The following MPP7 variants were observed in gnomAD, a reference collection of about 807,000 sequenced individuals.
MPP7 encodes the protein MAGUK p55 scaffold protein 7, also known as MAGUK p55 subfamily member 7.
In MPP7, 60 loss-of-function variants were observed where a neutral mutation model predicts 76.5. That is an observed-to-expected ratio of 0.78 (90% CI 0.64 to 0.97). The LOEUF is 0.97. Among genes scored for constraint, MPP7 ranks in the 50% least tolerant of loss-of-function variants. The probability of loss-of-function intolerance (pLI) is 0.00; values close to 1 mark genes in which losing one functional copy is unlikely to be tolerated. For synonymous variants in MPP7, 237 were observed against 244.5 expected (o/e 0.97, Z 0.29); for missense variants, 641 against 694.0 (o/e 0.92, Z 0.86).
At chr10:28,080,925 C>T (rs1852731040) in intron 12 of MPP7, among the ~76,000 whole-genome samples, 1 of 152,210 alleles carries the variant, frequency 6.6e-6, no homozygotes, top group Admixed American at 6.5e-5. Flanking sequence ...AATAAACACA[C>T]TAACACATTT....
chr10:28,243,461 A>G (rs1236165112), intron 1 of MPP7, among the ~76,000 whole-genome samples: 2 of 152,060 alleles, frequency 1.3e-5, no homozygotes, highest in Admixed American at 1.3e-4. Context: ...CGGTGAACCA[A>G]TATTTTCCCA....
chr10:28,182,798 C>T (rs549544448), intron 3 of MPP7, among the ~76,000 whole-genome samples: 1 of 152,206 alleles, frequency 6.6e-6, no homozygotes, highest in African/African-American at 2.4e-5. Flanking sequence ...GCAAATTGAG[C>T]CGGGTGCAGT....
At chr10:28,332,176 A>G (rs1426878511) in intron 1 of MPP7, among the ~76,000 whole-genome samples, 1 of 151,846 alleles carries the variant, frequency 6.6e-6, no homozygotes, top group Non-Finnish European at 1.5e-5. Flanking sequence ...TCTTCATTTC[A>G]TTAACACCAC....
At chr10:28,122,814 T>C (rs1461867015) in intron 8 of MPP7, among the ~76,000 whole-genome samples, 1 of 152,142 alleles carries the variant, frequency 6.6e-6, no homozygotes, top group Non-Finnish European at 1.5e-5. Flanking sequence ...GTCTTTGATG[T>C]TTCTTTATGG....
chr10:28,146,314 G>A lies in MPP7; in HGVS notation c.315+1169C>T, dbSNP rs1305115885. On this transcript the variant is annotated intron_variant, in intron 5 of 16. Coordinates refer to ENST00000683449, the MANE Select transcript of MPP7 (RefSeq NM_001318170.2). Reference sequence around the variant, plus strand: ...ACCCTCACATCATTAATCATAGCCTGTTTAGCTTTTACAGCAATACATTCA... The same window carrying A: ...ACCCTCACATCATTAATCATAGCCTATTTAGCTTTTACAGCAATACATTCA... Among the ~76,000 whole-genome samples the A allele has an allele frequency of 2.6e-5, 4 of 151,042 alleles. No individual in the cohort carries two copies. The East Asian group carries it at 7.8e-4, about 29-fold the overall frequency.
chr10:28,208,260 A>G (rs1838011740), intron 2 of MPP7, among the ~76,000 whole-genome samples: 1 of 152,154 alleles, frequency 6.6e-6, no homozygotes. Context: ...ATGCAAGTGG[A>G]CAAGAAACTG....
At chr10:28,213,629 A>C (rs1838215004) in intron 2 of MPP7, among the ~76,000 whole-genome samples, 1 of 151,676 alleles carries the variant, frequency 6.6e-6, no homozygotes, top group Non-Finnish European at 1.5e-5. Context: ...CCTGTTGTAA[A>C]AATACAAAAA....
At chr10:28,178,453 G>GA (rs113212229) in intron 3 of MPP7, among the ~76,000 whole-genome samples, 4 of 149,564 alleles carry the variant, frequency 2.7e-5, no homozygotes, top group African/African-American at 7.4e-5. Context: ...GGCAAAACAG[G>GA]AAAAAAAAAG....
intron 1 of MPP7, among the ~76,000 whole-genome samples, chr10:28,257,691 C>A (rs11006960): frequency 0.095 from 14,097 of 147,852 alleles, 1,110 homozygotes; most frequent in East Asian, 0.41. Context: ...CACATGTATA[C>A]ACATGTAACT....
chr10:28,322,965 CAACAT>C (rs1834380289), intron 2 of MPP7, among the ~76,000 whole-genome samples: 2 of 151,898 alleles, frequency 1.3e-5, no homozygotes, highest in African/African-American at 4.8e-5. Context: ...CCAGACTGGA[CAACAT>C]AATAAGACCC....
chr10:28,161,626 T>C (rs376366031), intron 3 of MPP7, among the ~76,000 whole-genome samples: 1 of 152,116 alleles, frequency 6.6e-6, no homozygotes, highest in African/African-American at 2.4e-5. Flanking sequence ...AAACATTTCA[T>C]TCCTATTCCT....
At chr10:28,321,744 C>G (rs1265727286) in intron 2 of MPP7, among the ~76,000 whole-genome samples, 1 of 151,910 alleles carries the variant, frequency 6.6e-6, no homozygotes, top group African/African-American at 2.4e-5. Context: ...GCCACCACAC[C>G]CGGCTAATTT....
At chr10:28,081,812 GCA>G (rs138012288) in intron 12 of MPP7, among the ~76,000 whole-genome samples, 2,656 of 150,968 alleles carry the variant, frequency 0.018, 87 homozygotes, top group African/African-American at 0.061. Context: ...TCACTCAGTG[GCA>G]CAGTCTCGGC....
chr10:28,311,316 T>C (rs998587217), intron 2 of MPP7, among the ~76,000 whole-genome samples: 1 of 151,574 alleles, frequency 6.6e-6, no homozygotes, highest in Non-Finnish European at 1.5e-5. Flanking sequence ...GGCATACGGG[T>C]GTGAATGACA....
intron 12 of MPP7, among the ~76,000 whole-genome samples, chr10:28,083,959 A>G (rs1852885522): frequency 6.6e-6 from 1 of 152,216 alleles, no homozygotes; most frequent in Non-Finnish European, 1.5e-5. Flanking sequence ...TTATAATCCA[A>G]TTGTCACAGA....
chr10:28,076,931 T>C (rs1351172310), intron 12 of MPP7, among the ~76,000 whole-genome samples: 1 of 151,796 alleles, frequency 6.6e-6, no homozygotes, highest in Non-Finnish European at 1.5e-5. Flanking sequence ...GCCTGCCTTG[T>C]CCCTCAAGAC....
At chr10:28,084,980 C>T (rs937104777) in intron 12 of MPP7, among the ~76,000 whole-genome samples, 1 of 152,132 alleles carries the variant, frequency 6.6e-6, no homozygotes, top group Non-Finnish European at 1.5e-5. Flanking sequence ...TAGACGTGGG[C>T]AGGATTCAAG....
chr10:28,105,689 G>A (rs1834300986), intron 11 of MPP7, among the ~76,000 whole-genome samples: 1 of 152,100 alleles, frequency 6.6e-6, no homozygotes, highest in African/African-American at 2.4e-5. Context: ...TGTATTTTCA[G>A]TAGAGAAGGA....
At chr10:28,252,235 T>C (rs1359275983) in intron 1 of MPP7, among the ~76,000 whole-genome samples, 2 of 152,234 alleles carry the variant, frequency 1.3e-5, no homozygotes, top group African/African-American at 2.4e-5. Context: ...TATCTTAAGA[T>C]CAATTTCACT....
Sources: allele counts gnomAD v4.1 joint callset (sites outside exome capture counted in the v4.1 genomes callset), GRCh38; gene constraint gnomAD v4.1.1; transcripts MANE v1.5; gene names NCBI Gene and HGNC (gene_info 2026-07-23, HGNC 2026-07-21).